PRRX1: variants seen among roughly 807,000 people sequenced by gnomAD.
The protein encoded by PRRX1 is paired mesoderm homeobox protein 1.
A neutral mutation model predicts 24.0 loss-of-function variants in PRRX1; 8 were observed. The ratio of observed to expected loss-of-function variants is 0.33; its 90% CI spans 0.20 to 0.60. The LOEUF is 0.60. Ranked by LOEUF, PRRX1 falls within the 20% of genes least tolerant of loss-of-function variation. PRRX1 has a pLI of 0.82. For missense variants in PRRX1, 281 were observed against 322.4 expected (o/e 0.87, Z 0.98); for synonymous variants, 160 against 131.7 (o/e 1.22, Z -1.47).
At chr1:170,725,684 T>G (rs1655234584) in intron 2 of PRRX1, among the ~76,000 whole-genome samples, 1 of 152,214 alleles carries the variant, frequency 6.6e-6, no homozygotes, top group African/African-American at 2.4e-5. Flanking sequence ...CTCTGTTACT[T>G]CCTTGCTCCC....
chr1:170,733,021 C>T (rs1157109046), intron 3 of PRRX1, among the ~76,000 whole-genome samples: 1 of 152,140 alleles, frequency 6.6e-6, no homozygotes, highest in Non-Finnish European at 1.5e-5. Flanking sequence ...ATCCAATCTC[C>T]TGTGTAATAG....
chr1:170,722,191 C>T (rs374477589), intron 2 of PRRX1, among the ~76,000 whole-genome samples: 4 of 152,078 alleles, frequency 2.6e-5, no homozygotes, highest in South Asian at 4.1e-4. Flanking sequence ...GAAAGCCTAC[C>T]TTTTCCCAGT....
chr1:170,739,149 A>G lies in PRRX1; in HGVS notation c.*2963A>G. The G allele has an allele frequency of 4.7e-6, 1 of 210,922 alleles. No individual in the cohort carries two copies. The highest frequency in any genetic ancestry group is 9.7e-6 in the Non-Finnish European group (1 of 103,594). The allele number at this position is 210,922 out of a possible 1,614,324, so 13.1% of individuals were successfully genotyped here. A position where few individuals can be genotyped will look rare whatever the true frequency, so the allele number is the denominator to read the frequency against. On this transcript the variant is annotated 3_prime_UTR_variant, in exon 4 of 4. Transcript: ENST00000239461. ...TCCTCACCATCATGATACCAGATAC[A>G]GGTGAATACATAGGAACTATCTGCC...
At chr1:170,682,739 T>A (rs1653597033) in intron 1 of PRRX1, among the ~76,000 whole-genome samples, 1 of 152,112 alleles carries the variant, frequency 6.6e-6, no homozygotes, top group Non-Finnish European at 1.5e-5. Context: ...CCTTATATTC[T>A]CCTGGGGAAA....
chr1:170,701,613 T>A (rs899571158), intron 1 of PRRX1, among the ~76,000 whole-genome samples: 56 of 152,168 alleles, frequency 3.7e-4, no homozygotes, highest in African/African-American at 1.3e-3. Flanking sequence ...AGAATTTTTT[T>A]AAGGAAAGAT....
intron 2 of PRRX1, among the ~76,000 whole-genome samples, chr1:170,721,970 A>G (rs1655099111): frequency 6.6e-6 from 1 of 151,620 alleles, no homozygotes; most frequent in Non-Finnish European, 1.5e-5. Flanking sequence ...GCAATGGTGG[A>G]CATTTCAAAA....
intron 1 of PRRX1, among the ~76,000 whole-genome samples, chr1:170,703,349 C>T (rs1654454429): frequency 6.6e-6 from 1 of 151,634 alleles, no homozygotes; most frequent in African/African-American, 2.4e-5. Flanking sequence ...GAGCCTTGGT[C>T]TCCTCATCTG....
At chr1:170,724,660 T>C (rs1159324921) in intron 2 of PRRX1, among the ~76,000 whole-genome samples, 1 of 152,232 alleles carries the variant, frequency 6.6e-6, no homozygotes, top group Non-Finnish European at 1.5e-5. Flanking sequence ...TTTGTACTAA[T>C]ACCACGCTGT....
intron 1 of PRRX1, among the ~76,000 whole-genome samples, chr1:170,719,255 T>C (rs1655004739): frequency 6.6e-6 from 1 of 152,262 alleles, no homozygotes; most frequent in Non-Finnish European, 1.5e-5. Flanking sequence ...TCTATAACTC[T>C]ATGTATTTGT....
chr1:170,672,066 C>T (rs1273797485), intron 1 of PRRX1, among the ~76,000 whole-genome samples: 1 of 152,072 alleles, frequency 6.6e-6, no homozygotes, highest in Non-Finnish European at 1.5e-5. Flanking sequence ...TTCCTCCTCA[C>T]GAAAGAACAA....
At chr1:170,713,589 G>A (rs1339563430) in intron 1 of PRRX1, among the ~76,000 whole-genome samples, 1 of 151,790 alleles carries the variant, frequency 6.6e-6, no homozygotes, top group East Asian at 1.9e-4. Flanking sequence ...TGGCTATATT[G>A]AGAAAGTTAA....
intron 1 of PRRX1, among the ~76,000 whole-genome samples, chr1:170,681,508 C>T (rs1307448321): frequency 8.1e-6 from 1 of 123,950 alleles, no homozygotes; most frequent in Non-Finnish European, 1.7e-5. Context: ...AAAAAAAACC[C>T]TCTTAATAGC....
chr1:170,704,019 T>C (rs950004296), intron 1 of PRRX1, among the ~76,000 whole-genome samples: 2 of 152,178 alleles, frequency 1.3e-5, no homozygotes, highest in African/African-American at 4.8e-5. Flanking sequence ...TAATTAAAGG[T>C]AAAACTAATC....
At chr1:170,699,427 A>G (rs929102834) in intron 1 of PRRX1, among the ~76,000 whole-genome samples, 41 of 151,904 alleles carry the variant, frequency 2.7e-4, no homozygotes, top group African/African-American at 7.3e-4. Context: ...TCTCTGTCCC[A>G]TTCATGAGCT....
At chr1:170,681,269 A>G (rs1460333802) in intron 1 of PRRX1, among the ~76,000 whole-genome samples, 4 of 152,164 alleles carry the variant, frequency 2.6e-5, no homozygotes, top group African/African-American at 9.7e-5. Flanking sequence ...TGAAGCCTCA[A>G]AGTTAGTTAT....
At chr1:170,663,959 G>T, upstream of PRRX1, 1 of 497,460 alleles carries the variant, frequency 2.0e-6, no homozygotes, top group Non-Finnish European at 3.6e-6. Context: ...GCCGGACTTG[G>T]CCTCAGGAAA....
intron 1 of PRRX1, among the ~76,000 whole-genome samples, chr1:170,674,810 A>G (rs1312925002): frequency 6.6e-6 from 1 of 152,130 alleles, no homozygotes; most frequent in Non-Finnish European, 1.5e-5. Context: ...TTCATTTTTG[A>G]AAATGTATTA....
intron 1 of PRRX1, among the ~76,000 whole-genome samples, chr1:170,672,957 C>T (rs991873107): frequency 6.6e-6 from 1 of 152,088 alleles, no homozygotes; most frequent in South Asian, 2.1e-4. Flanking sequence ...AAAATTGACA[C>T]CTAGAGGCCA....
chr1:170,715,121 C>T (rs893614120), intron 1 of PRRX1, among the ~76,000 whole-genome samples: 3 of 152,154 alleles, frequency 2.0e-5, no homozygotes, highest in Non-Finnish European at 4.4e-5. Context: ...AATCTGGTGA[C>T]TATCCTATCT....
Sources: gnomAD v4.1 joint callset for allele counts (sites outside exome capture counted in the v4.1 genomes callset) on GRCh38, gnomAD v4.1.1 for gene constraint, MANE v1.5 for transcripts, NCBI Gene and HGNC (gene_info 2026-07-23, HGNC 2026-07-21) for gene names.